Variants in ERI1 observed in about 807,000 individuals in gnomAD.
ERI1 encodes the protein exoribonuclease 1.
In ERI1, 39 loss-of-function variants were observed where a neutral mutation model predicts 39.7. The observed-to-expected ratio is 0.98, with a 90% confidence interval of 0.76 to 1.28. The LOEUF (loss-of-function observed/expected upper bound fraction) is 1.28. Among genes scored for constraint, ERI1 ranks in the 50% most tolerant of loss-of-function variants. ERI1 has a pLI of 0.00. For synonymous variants in ERI1, 204 were observed against 149.6 expected (o/e 1.36, Z -2.65); for missense variants, 581 against 416.9 (o/e 1.39, Z -3.43).
chr8:9,072,080 G>A (rs576004235), intron 3 of ERI1, among the ~76,000 whole-genome samples: 2 of 152,164 alleles, frequency 1.3e-5, no homozygotes, highest in East Asian at 3.9e-4. Flanking sequence ...GTACACACAC[G>A]CAAAAATGAC....
intron 3 of ERI1, among the ~76,000 whole-genome samples, chr8:9,069,264 C>T (rs114978576): frequency 1.8e-3 from 280 of 152,324 alleles, no homozygotes; most frequent in African/African-American, 6.4e-3. Context: ...CTTGAATCCT[C>T]TCTGAAGCTG....
chr8:9,035,020 T>G (rs1038336608), downstream of ERI1, among the ~76,000 whole-genome samples: 1 of 152,172 alleles, frequency 6.6e-6, no homozygotes, highest in Non-Finnish European at 1.5e-5. Context: ...AGACTGTAAC[T>G]GTCTCATATT....
chr8:9,095,101 G>A (rs975829246), intron 3 of ERI1, among the ~76,000 whole-genome samples: 2 of 152,150 alleles, frequency 1.3e-5, no homozygotes, highest in African/African-American at 4.8e-5. Flanking sequence ...TGTATAACCT[G>A]CTTTCTTAGG....
At chr8:9,094,204 C>G (rs1157354128) in intron 3 of ERI1, among the ~76,000 whole-genome samples, 1 of 152,132 alleles carries the variant, frequency 6.6e-6, no homozygotes, top group Non-Finnish European at 1.5e-5. Flanking sequence ...TCTTGACAAG[C>G]TCCAATTTCT....
intron 6 of ERI1, among the ~76,000 whole-genome samples, chr8:9,021,001 G>C (rs576548062): frequency 4.6e-5 from 7 of 151,688 alleles, no homozygotes; most frequent in South Asian, 2.1e-4. Context: ...TTCAGTTTGC[G>C]ATCTATTGAA....
chr8:9,049,583 G>A (rs1798292559), intron 3 of ERI1, among the ~76,000 whole-genome samples: 1 of 151,008 alleles, frequency 6.6e-6, no homozygotes, highest in Non-Finnish European at 1.5e-5. Context: ...TTCTTAAATT[G>A]TGTGCCTAAC....
chr8:9,086,319 G>T (rs529650741), intron 3 of ERI1, among the ~76,000 whole-genome samples: 169 of 152,314 alleles, frequency 1.1e-3, no homozygotes, highest in African/African-American at 3.9e-3. Context: ...GGAGACTGAG[G>T]TGGGAGGATA....
intron 3 of ERI1, among the ~76,000 whole-genome samples, chr8:9,097,422 G>A (rs2117495627): frequency 6.6e-6 from 1 of 152,250 alleles, no homozygotes; most frequent in African/African-American, 2.4e-5. Context: ...CAACACTTTG[G>A]GAGGCTGAGG....
intron 3 of ERI1, among the ~76,000 whole-genome samples, chr8:9,088,021 G>A (rs541995065): frequency 2.0e-5 from 3 of 152,242 alleles, no homozygotes; most frequent in Non-Finnish European, 2.9e-5. Context: ...GCCTACAGGT[G>A]CACAGAGCTA....
intron 3 of ERI1, among the ~76,000 whole-genome samples, chr8:9,081,925 C>T (rs137965234): frequency 3.4e-4 from 51 of 152,230 alleles, no homozygotes; most frequent in African/African-American, 1.2e-3. Context: ...ACCAAATAAA[C>T]CCATTAATAT....
At chr8:9,016,274 T>C in intron 3 of ERI1, 48 bp from the exon 4 acceptor site, 1 of 1,194,054 alleles carries the variant, frequency 8.4e-7, no homozygotes, top group Non-Finnish European at 1.2e-6. Flanking sequence ...ATGTATCGTG[T>C]ATCTTAACTC....
Position 9,050,344 on chromosome 8 carries a change from C to G in ERI1, n.299+29880C>G, listed in dbSNP as rs1798316679. On this transcript the variant is annotated intron_variant and non_coding_transcript_variant, in intron 3 of 3. Coordinates refer to the ERI1 transcript ENST00000518663. ...CCAACATGGTGAAACCCCATCTCTA[C>G]TAAAAATACAAAATTAGCTGAGCGT... 2.6e-5 allele frequency among the ~76,000 whole-genome samples: 4 copies of G among 152,170 alleles called. No homozygotes were observed. The South Asian group carries it at 8.3e-4, about 32-fold the overall frequency.
intron 3 of ERI1, among the ~76,000 whole-genome samples, chr8:9,015,816 C>G (rs1364182452): frequency 1.3e-5 from 2 of 151,044 alleles, no homozygotes; most frequent in Non-Finnish European, 3.0e-5. Flanking sequence ...CTTAAACTAC[C>G]TATATATCAT....
At chr8:9,026,011 G>T (rs1293646546) in intron 6 of ERI1, among the ~76,000 whole-genome samples, 1 of 152,080 alleles carries the variant, frequency 6.6e-6, no homozygotes, top group African/African-American at 2.4e-5. Context: ...CCACTGATAT[G>T]GACAGTCTGG....
intron 3 of ERI1, among the ~76,000 whole-genome samples, chr8:9,044,592 C>G (rs1798121948): frequency 6.6e-6 from 1 of 152,072 alleles, no homozygotes; most frequent in Non-Finnish European, 1.5e-5. Flanking sequence ...AGAAGCAAAG[C>G]TTAATGGACT....
At chr8:9,039,668 A>G (rs1797956668) in intron 3 of ERI1, among the ~76,000 whole-genome samples, 1 of 152,232 alleles carries the variant, frequency 6.6e-6, no homozygotes. Context: ...GGCTTTTGGC[A>G]GAATTAAGAA....
intron 6 of ERI1, among the ~76,000 whole-genome samples, chr8:9,027,135 T>TA (rs1797222330): frequency 1.0e-5 from 1 of 98,598 alleles, no homozygotes; most frequent in Non-Finnish European, 2.3e-5. Context: ...TGTTATTTTC[T>TA]GGTGTGTGTG....
intron 3 of ERI1, among the ~76,000 whole-genome samples, chr8:9,088,230 G>C (rs941136949): frequency 6.6e-6 from 1 of 150,952 alleles, no homozygotes; most frequent in Non-Finnish European, 1.5e-5. Context: ...TTTAACACCA[G>C]TGCATGCATT....
chr8:9,009,904 A>G (rs1816485054), intron 2 of ERI1, among the ~76,000 whole-genome samples: 1 of 152,228 alleles, frequency 6.6e-6, no homozygotes, highest in South Asian at 2.1e-4. Context: ...TGATAGTGAA[A>G]TGATAGGTTG....
Sources: gnomAD v4.1 joint callset for allele counts (sites outside exome capture counted in the v4.1 genomes callset) on GRCh38, gnomAD v4.1.1 for gene constraint, MANE v1.5 for transcripts, NCBI Gene and HGNC (gene_info 2026-07-23, HGNC 2026-07-21) for gene names.